ZC3HAV1: variants seen among roughly 807,000 people sequenced by gnomAD.
The protein encoded by ZC3HAV1 is zinc finger CCCH-type antiviral protein 1.
A neutral mutation model predicts 86.6 loss-of-function variants in ZC3HAV1; 41 were observed. The observed-to-expected ratio is 0.47, with a 90% CI of 0.37 to 0.61. ZC3HAV1 has a LOEUF of 0.61. ZC3HAV1 is among the 20% of genes least tolerant of loss of function. The pLI, the probability that ZC3HAV1 is intolerant of heterozygous loss-of-function variation, is 0.00. For synonymous variants in ZC3HAV1, 421 were observed against 432.1 expected (o/e 0.97, Z 0.32); for missense variants, 964 against 1,141.1 (o/e 0.84, Z 2.24).
intron 1 of ZC3HAV1, among the ~76,000 whole-genome samples, chr7:139,091,446 C>G (rs1181155738): frequency 6.6e-6 from 1 of 151,860 alleles, no homozygotes; most frequent in Non-Finnish European, 1.5e-5. Context: ...CCAGCCTGGG[C>G]GACAGAGCAA....
intron 1 of ZC3HAV1, among the ~76,000 whole-genome samples, chr7:139,092,435 GT>G (rs1476334193): frequency 6.6e-6 from 1 of 152,204 alleles, no homozygotes; most frequent in Non-Finnish European, 1.5e-5. Flanking sequence ...ATAGCAACTT[GT>G]TAGTCAGAAG....
intron 1 of ZC3HAV1, among the ~76,000 whole-genome samples, chr7:139,093,187 C>T (rs1464812546): frequency 2.6e-5 from 4 of 152,020 alleles, no homozygotes; most frequent in Non-Finnish European, 4.4e-5. Context: ...AGAGGAAGAT[C>T]CAGGAATGAA....
rs541051353 is a variant in ZC3HAV1, at chr7:139,105,378, C to T, written c.308+3646G>A. ...CCTTAGGAGCTATCCTAAAGACTAA[C>T]CTGGATATCATCTCCAAAGTGCTTA... On this transcript the variant is annotated intron_variant, in intron 1 of 12. Transcript: ENST00000242351. Among the ~76,000 whole-genome samples, 3 of 152,264 alleles carry T rather than the reference C, an allele frequency of 2.0e-5. No homozygotes were observed. The South Asian group carries it at 6.2e-4, about 32-fold the overall frequency.
chr7:139,058,087 C>A (rs1025644222), intron 9 of ZC3HAV1, among the ~76,000 whole-genome samples: 5 of 152,044 alleles, frequency 3.3e-5, no homozygotes, highest in Non-Finnish European at 7.4e-5. Context: ...CTTATTCTAT[C>A]CTACAGCAAG....
intron 3 of ZC3HAV1, 90 bp downstream of exon 3, chr7:139,083,690 G>C: frequency 6.9e-7 from 1 of 1,455,808 alleles, no homozygotes; most frequent in Non-Finnish European, 9.0e-7. Flanking sequence ...TCACGCCACT[G>C]TACTCCAGCT....
rs2130653200 is a variant in ZC3HAV1, at chr7:139,045,922, T to A, written c.*1672A>T. On this transcript the variant is annotated 3_prime_UTR_variant, in exon 13 of 13. Coordinates refer to ENST00000242351, the MANE Select transcript of ZC3HAV1 (RefSeq NM_020119.4). ...AACTATTTTTTTTTTTTTTTTTTTT[T>A]TTTTTTTTTACCGGTGGAGCTGTTT... The A allele has an allele frequency of 6.8e-6, 1 of 147,838 alleles. No homozygotes were observed. The highest frequency in any genetic ancestry group is 2.2e-4 in the South Asian group (1 of 4,636). The allele number at this position is 147,838 out of a possible 1,614,324, so 9.2% of individuals were successfully genotyped here.
At position 139,080,108 on chromosome 7, in the gene ZC3HAV1, T is replaced by G. The variant is rs745725877; in HGVS notation, c.833A>C (p.Gln278Pro). The G allele has an allele frequency of 6.2e-7, 1 of 1,614,080 alleles. No homozygotes were observed. The highest frequency in any genetic ancestry group is 1.3e-5 in the African/African-American group (1 of 74,944). The change falls in exon 4 of 13, where the codon CAG becomes CCG. Residue 278 changes from glutamine (Q) to proline (P), a missense_variant. Coordinates refer to ENST00000242351, the MANE Select transcript of ZC3HAV1 (RefSeq NM_020119.4). ...CTCCAGGGAAGCCCTGTGGCTGATC[T>G]GATCTGGACTAGGTGTGCAGGACCT... ...AERSCTPSPD[Q>P]ISHRASLEDA...
At chr7:139,100,500 C>G (rs899797888) in intron 1 of ZC3HAV1, among the ~76,000 whole-genome samples, 1 of 152,050 alleles carries the variant, frequency 6.6e-6, no homozygotes, top group Non-Finnish European at 1.5e-5. Flanking sequence ...CACCACTGCA[C>G]TCCAGCCTGG....
chr7:139,058,613 T>C lies in ZC3HAV1; in HGVS notation c.2096+2423A>G, dbSNP rs759665648. ...AGTGGGTAAGTACTATAAGGGAATCTCGAGTGTTGGAGAATTGGAGGAGAA... is the reference window on the plus strand; with the variant it reads ...AGTGGGTAAGTACTATAAGGGAATCCCGAGTGTTGGAGAATTGGAGGAGAA... On this transcript the variant is annotated intron_variant, in intron 9 of 12. Coordinates refer to ENST00000242351, the MANE Select transcript of ZC3HAV1 (RefSeq NM_020119.4). 3.9e-5 allele frequency among the ~76,000 whole-genome samples: 6 copies of C among 152,078 alleles called. No homozygotes were observed. In the South Asian group the frequency reaches 6.2e-4, roughly 16 times the overall value.
chr7:139,064,565 C>A (rs919828389), intron 8 of ZC3HAV1, among the ~76,000 whole-genome samples: 3 of 152,176 alleles, frequency 2.0e-5, no homozygotes, highest in Admixed American at 6.5e-5. Flanking sequence ...AGCTGCCCAC[C>A]CAGAATCAGA....
At chr7:139,075,354 T>C (rs929218482) in intron 6 of ZC3HAV1, among the ~76,000 whole-genome samples, 1 of 152,224 alleles carries the variant, frequency 6.6e-6, no homozygotes, top group African/African-American at 2.4e-5. Context: ...ACTGGGATGT[T>C]TCTTATATCC....
chr7:139,081,257 G>A (rs1189092943), intron 3 of ZC3HAV1, among the ~76,000 whole-genome samples: 1 of 152,062 alleles, frequency 6.6e-6, no homozygotes, highest in African/African-American at 2.4e-5. Flanking sequence ...TGTGAGGTGT[G>A]CATGTGTGCT....
intron 1 of ZC3HAV1, among the ~76,000 whole-genome samples, chr7:139,096,914 C>T (rs1056075228): frequency 2.0e-5 from 3 of 152,016 alleles, no homozygotes; most frequent in Admixed American, 1.3e-4. Context: ...GGGTGGATAG[C>T]TTGAGCTTAG....
In ZC3HAV1 at chr7:139,054,146, T is replaced by C. The variant is rs550313607; in HGVS notation, c.2188-51A>G. Reference sequence around the variant, plus strand: ...TGTGAAATAGGAAACATTTAAAGCATGATACATCCACATATGTGCCCCCTT... The same window carrying C: ...TGTGAAATAGGAAACATTTAAAGCACGATACATCCACATATGTGCCCCCTT... On this transcript the variant is annotated intron_variant, in intron 10 of 12. Transcript: ENST00000242351. The C allele has an allele frequency of 5.3e-5, 80 of 1,507,504 alleles. No individual in the cohort carries two copies. In the South Asian group the frequency reaches 1.0e-3, roughly 19 times the overall value. 93.4% of individuals were successfully genotyped at this position (1,507,504 alleles called of 1,614,324 possible).
At chr7:139,094,449 A>G (rs1817521484) in intron 1 of ZC3HAV1, among the ~76,000 whole-genome samples, 1 of 151,772 alleles carries the variant, frequency 6.6e-6, no homozygotes, top group Non-Finnish European at 1.5e-5. Flanking sequence ...CACTTGGAGC[A>G]GATAAACCTC....
At chr7:139,063,132 T>C (rs1341150244) in intron 8 of ZC3HAV1, among the ~76,000 whole-genome samples, 1 of 151,612 alleles carries the variant, frequency 6.6e-6, no homozygotes, top group Non-Finnish European at 1.5e-5. Context: ...AACTGGTTTC[T>C]ATGAACCAAA....
intron 8 of ZC3HAV1, 82 bp from the exon 9 acceptor site, chr7:139,061,220 T>C (rs1816433915): frequency 1.5e-6 from 2 of 1,341,568 alleles, no homozygotes; most frequent in Non-Finnish European, 2.1e-6. Flanking sequence ...GCAGAGGCTA[T>C]TTACACGGCA....
At chr7:139,074,532 T>C (rs1353752889) in intron 6 of ZC3HAV1, among the ~76,000 whole-genome samples, 13 of 152,102 alleles carry the variant, frequency 8.5e-5, no homozygotes, top group Admixed American at 1.3e-4. Context: ...TCACAGCAGG[T>C]TGAATAAAGA....
chr7:139,072,830 T>G (rs923499754), intron 7 of ZC3HAV1, among the ~76,000 whole-genome samples: 1 of 152,174 alleles, frequency 6.6e-6, no homozygotes, highest in East Asian at 1.9e-4. Context: ...CATGCCATCA[T>G]CCATACAGTC....
Sources: allele counts gnomAD v4.1 joint callset (sites outside exome capture counted in the v4.1 genomes callset), GRCh38; gene constraint gnomAD v4.1.1; transcripts MANE v1.5; gene names NCBI Gene and HGNC (gene_info 2026-07-23, HGNC 2026-07-21).